The following EFHD1 variants were observed in gnomAD, a reference collection of about 807,000 sequenced individuals.
The protein encoded by EFHD1 is EF-hand domain family member D1, also known as EF-hand domain-containing protein D1.
EFHD1 carries 10 observed loss-of-function variants against 17.2 expected under a neutral mutation model. The ratio of observed to expected loss-of-function variants is 0.58; its 90% CI spans 0.36 to 0.99. The LOEUF (loss-of-function observed/expected upper bound fraction) is 0.99. Ranked by LOEUF, EFHD1 falls within the 50% of genes least tolerant of loss-of-function variation. The probability of loss-of-function intolerance (pLI) is 0.01; values close to 1 mark genes in which losing one functional copy is unlikely to be tolerated. For synonymous variants in EFHD1, 153 were observed against 142.0 expected, an observed-to-expected ratio of 1.08 and a Z score of -0.55; for missense variants, 310 against 327.5, an observed-to-expected ratio of 0.95 and a Z score of 0.41.
chr2:232,619,158 T>TATAAATAAATAA (rs370538870), intron 1 of EFHD1, among the ~76,000 whole-genome samples: 16 of 146,118 alleles, frequency 1.1e-4, no homozygotes, highest in South Asian at 6.5e-4. Flanking sequence ...CATCTCAAAA[T>TATAAATAAATAA]ATAAATAAAT....
At chr2:232,672,090 C>G (rs988302231) in intron 2 of EFHD1, among the ~76,000 whole-genome samples, 58 of 152,076 alleles carry the variant, frequency 3.8e-4, no homozygotes, top group African/African-American at 1.4e-3. Flanking sequence ...GGTTTACACT[C>G]TCAAATAAAT....
chr2:232,637,589 C>T (rs1694342473), intron 1 of EFHD1, among the ~76,000 whole-genome samples: 1 of 152,072 alleles, frequency 6.6e-6, no homozygotes, highest in East Asian at 1.9e-4. Context: ...AATGATCCAC[C>T]CGCCTCAGCC....
chr2:232,664,491 G>C (rs917066178), intron 2 of EFHD1, among the ~76,000 whole-genome samples: 1 of 151,702 alleles, frequency 6.6e-6, no homozygotes, highest in Non-Finnish European at 1.5e-5. Context: ...TAGAAACAGG[G>C]ACTCACTTTG....
intron 1 of EFHD1, among the ~76,000 whole-genome samples, chr2:232,612,735 T>C (rs1693832852): frequency 1.2e-5 from 1 of 86,920 alleles, no homozygotes; most frequent in South Asian, 3.5e-4. Flanking sequence ...TTTTCTTTTC[T>C]TTTTTTTTTT....
chr2:232,647,339 G>A (rs769245403), intron 1 of EFHD1, among the ~76,000 whole-genome samples: 1 of 152,252 alleles, frequency 6.6e-6, no homozygotes, highest in Non-Finnish European at 1.5e-5. Context: ...TTGGGGTGAT[G>A]GCCTGGCGCC....
intron 1 of EFHD1, among the ~76,000 whole-genome samples, chr2:232,606,919 A>C (rs1347974184): frequency 6.6e-6 from 1 of 151,538 alleles, no homozygotes; most frequent in African/African-American, 2.4e-5. Context: ...AAAATTAAAA[A>C]AAAATAAAGT....
intron 2 of EFHD1, among the ~76,000 whole-genome samples, chr2:232,669,388 C>T (rs191580453): frequency 2.1e-4 from 32 of 152,224 alleles, no homozygotes; most frequent in Non-Finnish European, 2.9e-4. Context: ...TCCACGGTAG[C>T]GTTAGGACCC....
chr2:232,666,477 G>A (rs1009567798), intron 2 of EFHD1, among the ~76,000 whole-genome samples: 23 of 152,242 alleles, frequency 1.5e-4, no homozygotes, highest in African/African-American at 5.5e-4. Flanking sequence ...CAGGAGCTGA[G>A]AGGGTGTTTC....
intron 1 of EFHD1, among the ~76,000 whole-genome samples, chr2:232,649,453 G>C (rs1188307815): frequency 6.6e-6 from 1 of 152,192 alleles, no homozygotes; most frequent in Non-Finnish European, 1.5e-5. Flanking sequence ...GAATGGCTTT[G>C]TGGAGCGGTA....
At chr2:232,675,453 G>A (rs1695154926) in intron 3 of EFHD1, among the ~76,000 whole-genome samples, 1 of 152,080 alleles carries the variant, frequency 6.6e-6, no homozygotes, top group African/African-American at 2.4e-5. Context: ...GGTTGGGAAG[G>A]TCAGGCCTTC....
chr2:232,634,633 G>A (rs1694281523), intron 1 of EFHD1, among the ~76,000 whole-genome samples: 1 of 152,172 alleles, frequency 6.6e-6, no homozygotes, highest in Admixed American at 6.5e-5. Context: ...TCCGGCGGGG[G>A]CTCGTTGCGG....
chr2:232,648,683 G>A lies in EFHD1; in HGVS notation c.303-14119G>A, dbSNP rs531637316. Among the ~76,000 whole-genome samples, 10 of 152,158 alleles carry A rather than the reference G, an allele frequency of 6.6e-5. No homozygotes were observed. The South Asian group carries it at 1.7e-3, about 25-fold the overall frequency. ...GCCTTGAACGTGCCCAGGGGCTGTGGTGTGGGGGGCTTGTGAACATGCAGG... is the reference window on the plus strand; with the variant it reads ...GCCTTGAACGTGCCCAGGGGCTGTGATGTGGGGGGCTTGTGAACATGCAGG... On this transcript the variant is annotated intron_variant, in intron 1 of 3. Transcript: ENST00000264059.
At chr2:232,677,274 T>TACACAC (rs36180788) in intron 3 of EFHD1, among the ~76,000 whole-genome samples, 4 of 141,348 alleles carry the variant, frequency 2.8e-5, no homozygotes, top group Non-Finnish European at 6.0e-5. Context: ...AACACACACA[T>TACACAC]ACACACACAC....
chr2:232,643,345 G>C (rs1694467069), intron 1 of EFHD1, among the ~76,000 whole-genome samples: 1 of 152,074 alleles, frequency 6.6e-6, no homozygotes, highest in African/African-American at 2.4e-5. Context: ...AAGGAGAGGT[G>C]GGTTTTTACT....
intron 1 of EFHD1, among the ~76,000 whole-genome samples, chr2:232,624,686 G>C (rs1031684647): frequency 6.6e-6 from 1 of 152,240 alleles, no homozygotes; most frequent in Non-Finnish European, 1.5e-5. Flanking sequence ...TGTAAACAAA[G>C]GCTTGAAACT....
intron 1 of EFHD1, among the ~76,000 whole-genome samples, chr2:232,624,587 C>A (rs1474681629): frequency 6.6e-6 from 1 of 152,254 alleles, no homozygotes; most frequent in African/African-American, 2.4e-5. Context: ...TGGGGAGAAC[C>A]GCATTTAGCT....
chr2:232,619,972 C>T (rs1023980314), intron 1 of EFHD1, among the ~76,000 whole-genome samples: 10 of 152,116 alleles, frequency 6.6e-5, no homozygotes, highest in African/African-American at 1.9e-4. Context: ...GAGCCACTAT[C>T]GTATCAGCAG....
At chr2:232,632,710 C>T (rs1331298682), upstream of EFHD1, among the ~76,000 whole-genome samples, 1 of 152,208 alleles carries the variant, frequency 6.6e-6, no homozygotes, top group Non-Finnish European at 1.5e-5. Context: ...GTTGCAGCCT[C>T]GACCTCCCGG....
chr2:232,613,839 TAC>T (rs1008164195), intron 1 of EFHD1, among the ~76,000 whole-genome samples: 12 of 122,594 alleles, frequency 9.8e-5, no homozygotes, highest in South Asian at 8.3e-4. Flanking sequence ...TATACACACA[TAC>T]ACACACAAAT....
Sources: allele counts gnomAD v4.1 joint callset (sites outside exome capture counted in the v4.1 genomes callset), GRCh38; gene constraint gnomAD v4.1.1; transcripts MANE v1.5; gene names NCBI Gene and HGNC (gene_info 2026-07-23, HGNC 2026-07-21).